Variants in TTC29 observed in about 807,000 individuals in gnomAD.
TTC29 encodes the protein tetratricopeptide repeat domain 29.
In TTC29, 49 loss-of-function variants were observed where a neutral mutation model predicts 58.1. The observed-to-expected ratio is 0.84, with a 90% CI of 0.67 to 1.07. TTC29 has a LOEUF of 1.07. Ranked by LOEUF, TTC29 falls within the 50% of genes least tolerant of loss-of-function variation. The pLI, the probability that TTC29 is intolerant of heterozygous loss-of-function variation, is 0.00. For synonymous variants in TTC29, 209 were observed against 196.8 expected (o/e 1.06, Z -0.52); for missense variants, 582 against 555.6 (o/e 1.05, Z -0.48).
intron 4 of TTC29, among the ~76,000 whole-genome samples, chr4:146,920,972 T>C (rs1734538526): frequency 6.6e-6 from 1 of 151,380 alleles, no homozygotes; most frequent in Admixed American, 6.6e-5. Context: ...ATATTTTGAT[T>C]TTCCCCTTAT....
intron 11 of TTC29, among the ~76,000 whole-genome samples, chr4:146,741,136 G>A (rs922413461): frequency 1.3e-5 from 2 of 152,132 alleles, no homozygotes; most frequent in African/African-American, 4.8e-5. Context: ...AAGAATCTTT[G>A]TTTTGACATT....
intron 11 of TTC29, among the ~76,000 whole-genome samples, chr4:146,738,039 T>C (rs1744852487): frequency 6.6e-6 from 1 of 152,170 alleles, no homozygotes; most frequent in Non-Finnish European, 1.5e-5. Flanking sequence ...TATTGCCTGG[T>C]GGCAAAAACA....
intron 6 of TTC29, among the ~76,000 whole-genome samples, chr4:146,903,303 G>A (rs981907949): frequency 5.3e-5 from 8 of 152,046 alleles, no homozygotes; most frequent in Non-Finnish European, 1.2e-4. Flanking sequence ...ATGTTACCGG[G>A]TGGGAACTGT....
intron 11 of TTC29, among the ~76,000 whole-genome samples, chr4:146,733,686 G>A (rs1744511859): frequency 6.6e-6 from 1 of 152,052 alleles, no homozygotes; most frequent in Non-Finnish European, 1.5e-5. Context: ...TCTTTGAGTG[G>A]CTTTCTCAAC....
At chr4:146,783,340 A>AT (rs200397702) in intron 11 of TTC29, among the ~76,000 whole-genome samples, 20,495 of 144,036 alleles carry the variant, frequency 0.14, 2,031 homozygotes, top group African/African-American at 0.28. Flanking sequence ...CCTCTTCTTC[A>AT]TTTTTTTTTT....
intron 6 of TTC29, among the ~76,000 whole-genome samples, chr4:146,888,388 A>G (rs1370265955): frequency 6.6e-6 from 1 of 152,136 alleles, no homozygotes; most frequent in African/African-American, 2.4e-5. Context: ...TGGGTTCGCT[A>G]ACATGGAGCT....
intron 4 of TTC29, among the ~76,000 whole-genome samples, chr4:146,937,105 A>G (rs545417482): frequency 6.6e-6 from 1 of 152,196 alleles, no homozygotes; most frequent in African/African-American, 2.4e-5. Flanking sequence ...TCGTTCATCT[A>G]AAAAATAAAT....
chr4:146,799,876 A>G (rs1006396039), intron 11 of TTC29, among the ~76,000 whole-genome samples: 1 of 152,164 alleles, frequency 6.6e-6, no homozygotes, highest in African/African-American at 2.4e-5. Flanking sequence ...TGGGTCTGAG[A>G]TCTCCAAAAG....
intron 8 of TTC29, among the ~76,000 whole-genome samples, chr4:146,837,135 C>T (rs1579796667): frequency 6.6e-6 from 1 of 152,064 alleles, no homozygotes; most frequent in East Asian, 1.9e-4. Context: ...AAATGTGGTA[C>T]ATATACACCA....
chr4:146,860,438 A>T (rs1730153027), intron 8 of TTC29, among the ~76,000 whole-genome samples: 1 of 152,102 alleles, frequency 6.6e-6, no homozygotes, highest in Non-Finnish European at 1.5e-5. Flanking sequence ...ATTTTTTCTG[A>T]TACAGTAGCT....
chr4:146,939,709 TTGAAA>T (rs1340662274), intron 3 of TTC29, 90 bp downstream of exon 3: 5 of 1,188,644 alleles, frequency 4.2e-6, no homozygotes, highest in Non-Finnish European at 5.9e-6. Flanking sequence ...TTCTCTTCTC[TTGAAA>T]TGATTTTATT....
chr4:146,863,052 G>A (rs1366359761), intron 8 of TTC29, among the ~76,000 whole-genome samples: 1 of 151,428 alleles, frequency 6.6e-6, no homozygotes, highest in Non-Finnish European at 1.5e-5. Flanking sequence ...AACCTGGGAG[G>A]TGGAGCTTGC....
chr4:146,827,358 C>T (rs573586335), intron 9 of TTC29, among the ~76,000 whole-genome samples: 8 of 152,310 alleles, frequency 5.3e-5, no homozygotes, highest in Admixed American at 2.0e-4. Flanking sequence ...ATCTTGGCCC[C>T]GCCCCCACAG....
intron 11 of TTC29, among the ~76,000 whole-genome samples, chr4:146,720,753 A>G (rs910906755): frequency 6.6e-6 from 1 of 152,158 alleles, no homozygotes; most frequent in African/African-American, 2.4e-5. Flanking sequence ...CTGCTTGTAT[A>G]ATAATGAATA....
At chr4:146,861,243 C>A (rs1730213601) in intron 8 of TTC29, among the ~76,000 whole-genome samples, 1 of 152,098 alleles carries the variant, frequency 6.6e-6, no homozygotes, top group African/African-American at 2.4e-5. Context: ...TTGCACAAGA[C>A]CTTAGATGTG....
At chr4:146,887,572 T>G (rs570376841) in intron 6 of TTC29, among the ~76,000 whole-genome samples, 2 of 152,274 alleles carry the variant, frequency 1.3e-5, no homozygotes, top group South Asian at 4.1e-4. Context: ...TTACAGTGCT[T>G]CAGCTTAATA....
intron 4 of TTC29, among the ~76,000 whole-genome samples, chr4:146,921,049 T>C (rs1734543525): frequency 6.6e-6 from 1 of 151,482 alleles, no homozygotes; most frequent in Non-Finnish European, 1.5e-5. Flanking sequence ...TACCGAACTG[T>C]AAGTCATGTA....
At chr4:146,933,212 G>C (rs369876024) in intron 4 of TTC29, among the ~76,000 whole-genome samples, 1 of 152,116 alleles carries the variant, frequency 6.6e-6, no homozygotes, top group Non-Finnish European at 1.5e-5. Flanking sequence ...TAAGATGTTC[G>C]GAAAGAAAGT....
chr4:146,870,503 A>G (rs917352544), intron 7 of TTC29, among the ~76,000 whole-genome samples: 2 of 152,022 alleles, frequency 1.3e-5, no homozygotes, highest in African/African-American at 4.8e-5. Context: ...GTGGAAATGA[A>G]TAACATAAAG....
Sources: gnomAD v4.1 joint callset for allele counts (sites outside exome capture counted in the v4.1 genomes callset) on GRCh38, gnomAD v4.1.1 for gene constraint, MANE v1.5 for transcripts, NCBI Gene and HGNC (gene_info 2026-07-23, HGNC 2026-07-21) for gene names.